The following VSIR variants were observed in gnomAD, a reference collection of about 807,000 sequenced individuals.
The protein encoded by VSIR is V-type immunoglobulin domain-containing suppressor of T-cell activation.
A neutral mutation model predicts 31.0 loss-of-function variants in VSIR; 10 were observed. The ratio of observed to expected loss-of-function variants is 0.32; its 90% CI spans 0.20 to 0.55. The LOEUF is 0.55. Ranked by LOEUF, VSIR falls within the 20% of genes least tolerant of loss-of-function variation. The pLI, the probability that VSIR is intolerant of heterozygous loss-of-function variation, is 0.93. For synonymous variants in VSIR, 179 were observed against 180.1 expected (o/e 0.99, Z 0.05); for missense variants, 356 against 416.2 (o/e 0.86, Z 1.26).
Position 71,760,939 on chromosome 10 carries a change from A to G in VSIR, c.512-15T>C. On this transcript the variant is annotated splice_polypyrimidine_tract_variant and intron_variant, in intron 2 of 6. Coordinates refer to ENST00000394957, the MANE Select transcript of VSIR (RefSeq NM_022153.2). The stretch of plus-strand genomic sequence containing the variant: ...TGCATCTTTGCCTGTGGGAACAAAC[A>G]GAAGGGCCATTAGGTGGGTGTCAGG... The G allele has an allele frequency of 6.2e-7, 1 of 1,613,632 alleles. No homozygotes were observed.
In VSIR at chr10:71,760,972, G is replaced by GGCCA; in HGVS notation, c.512-52_512-49dup. 1.9e-6 allele frequency: 3 copies of GGCCA among 1,585,276 alleles called. No individual in the cohort carries two copies. The South Asian group carries it at 3.3e-5, about 18-fold the overall frequency. On this transcript the variant is annotated intron_variant, in intron 2 of 6. Coordinates refer to ENST00000394957, the MANE Select transcript of VSIR (RefSeq NM_022153.2). ...CATTAGGTGGGTGTCAGGCCCAGGA[G>GGCCA]GCCAGGGAGGCTTGTCCAGGCCAGT...
At chr10:71,756,287 G>A (rs147957233) in intron 3 of VSIR, among the ~76,000 whole-genome samples, 39 of 152,248 alleles carry the variant, frequency 2.6e-4, no homozygotes, top group African/African-American at 7.2e-4. Flanking sequence ...TACAGCAGAC[G>A]CAGCATCATA....
At chr10:71,758,367 T>C (rs1589401608) in intron 3 of VSIR, among the ~76,000 whole-genome samples, 1 of 152,304 alleles carries the variant, frequency 6.6e-6, no homozygotes, top group South Asian at 2.1e-4. Flanking sequence ...ACTGGATGTC[T>C]GACACATACA....
At chr10:71,758,899 T>A (rs1840217829) in intron 3 of VSIR, among the ~76,000 whole-genome samples, 1 of 152,164 alleles carries the variant, frequency 6.6e-6, no homozygotes, top group African/African-American at 2.4e-5. Flanking sequence ...GGACAGAGTC[T>A]CGCTCTGTCA....
chr10:71,770,508 C>G (rs1364009009), intron 1 of VSIR, among the ~76,000 whole-genome samples: 3 of 152,242 alleles, frequency 2.0e-5, no homozygotes. Context: ...CTAAGGGCAT[C>G]TGTGGGGCCA....
chr10:71,751,059 T>C lies in VSIR; in HGVS notation c.*194A>G. ...ACCCCAAAATCCTTGGAACAGGGGC[T>C]GAGCCGTCCAGCATCCCCATGTAGC... On this transcript the variant is annotated 3_prime_UTR_variant, in exon 7 of 7. Coordinates refer to ENST00000394957, the MANE Select transcript of VSIR (RefSeq NM_022153.2). This position sits in a 1 kb window ranked among gnomAD's most constrained non-coding sequence, Gnocchi z 4.9. 1 of 640,166 alleles carries C rather than the reference T, an allele frequency of 1.6e-6. No homozygotes were observed. Among genetic ancestry groups the C allele is most frequent in the South Asian group, 2.3e-5 (1 of 44,024 alleles). 39.7% of individuals were successfully genotyped at this position (640,166 alleles called of 1,614,324 possible).
At chr10:71,758,762 T>G (rs1434277125) in intron 3 of VSIR, among the ~76,000 whole-genome samples, 1 of 152,172 alleles carries the variant, frequency 6.6e-6, no homozygotes, top group Non-Finnish European at 1.5e-5. Flanking sequence ...GCATGGTGGC[T>G]CACACCTGTA....
Position 71,773,397 on chromosome 10 carries a change from C to A in VSIR, c.43G>T (p.Gly15Ter). 6.2e-7 allele frequency: 1 copy of A among 1,610,058 alleles called. No homozygotes were observed. The highest frequency in any genetic ancestry group is 2.2e-5 in the East Asian group (1 of 44,740). The change falls in exon 1 of 7, where the codon GGA becomes TGA. Residue 15 changes from glycine to a stop codon, truncating the protein, a stop_gained. Coordinates refer to ENST00000394957, the MANE Select transcript of VSIR (RefSeq NM_022153.2). LOFTEE classifies it high-confidence loss of function. ...AGGAAGAGAGCGAAGAGCAGGGATC[C>A]CCAGCGCCAGCTGCCGGCCTCCAGG... The part of the protein sequence containing the change: ...TALEAGSWRW[G>*]SLLFALFLAA...
chr10:71,753,784 G>A, intron 4 of VSIR: 1 of 456,464 alleles, frequency 2.2e-6, no homozygotes, highest in Non-Finnish European at 4.4e-6. Flanking sequence ...TGGTGGGGGA[G>A]GGGCACAACA....
In VSIR at chr10:71,751,861, G is replaced by A. The variant is rs1395686643; in HGVS notation, c.705C>T (p.Ser235=). 6.5e-7 allele frequency: 1 copy of A among 1,545,048 alleles called. No individual in the cohort carries two copies. Among genetic ancestry groups the A allele is most frequent in the Admixed American group, 2.0e-5 (1 of 50,382 alleles). The change falls in exon 6 of 7, where the codon AGC becomes AGT. Residue 235 remains serine (S), a splice_region_variant and synonymous_variant. Coordinates refer to ENST00000394957, the MANE Select transcript of VSIR (RefSeq NM_022153.2). This position sits in a 1 kb window ranked among gnomAD's most constrained non-coding sequence, Gnocchi z 4.9. The part of the protein sequence containing the change: ...RRAQELVRMD[S]NIQGIENPGF... ...CGGGGTTTTCAATCCCTTGAATGTT[G>A]CTGCCACAGAACCAGAATGGAAGGT...
chr10:71,762,825 G>A (rs1208630814), intron 1 of VSIR, among the ~76,000 whole-genome samples: 6 of 152,204 alleles, frequency 3.9e-5, no homozygotes, highest in African/African-American at 7.2e-5. Flanking sequence ...ATCCATGCAC[G>A]TCCTTCCAGC....
Position 71,760,098 on chromosome 10 carries a change from CACACAT to C in VSIR, c.568+764_568+769del, listed in dbSNP as rs1328845897. ...ATATATATACACACACATATACACA[CACACAT>C]ACATACATATATGTGTGTATATATA... On this transcript the variant is annotated intron_variant, in intron 3 of 6. Coordinates refer to ENST00000394957, the MANE Select transcript of VSIR (RefSeq NM_022153.2). Among the ~76,000 whole-genome samples, 87 of 127,560 alleles carry C rather than the reference CACACAT, an allele frequency of 6.8e-4. 17 individuals are homozygous for C. In the East Asian group the frequency reaches 0.019, roughly 27 times the overall value. 83.7% of individuals were successfully genotyped at this position (127,560 alleles called of 152,430 possible).
chr10:71,766,624 A>T (rs879783595), intron 1 of VSIR, among the ~76,000 whole-genome samples: 5 of 152,182 alleles, frequency 3.3e-5, no homozygotes, highest in Non-Finnish European at 4.4e-5. Context: ...TCTTATGACC[A>T]TGTATTATGT....
rs755407596 is a variant in VSIR at position 71,751,623 on chromosome 10, A to G, written c.898+45T>C. The G allele has an allele frequency of 4.0e-6, 6 of 1,503,514 alleles. No homozygotes were observed. The highest frequency in any genetic ancestry group is 1.4e-5 in the African/African-American group (1 of 71,340). The allele number at this position is 1,503,514 out of a possible 1,614,324, so 93.1% of individuals were successfully genotyped here. A position where few individuals can be genotyped will look rare whatever the true frequency, so the allele number is the denominator to read the frequency against. ...CCGATGCCCTGCAGGCCATGAGGTC[A>G]TGACCTTACAGGTCATCGTGCTGTG... On this transcript the variant is annotated intron_variant, in intron 6 of 6. Transcript: ENST00000394957. The surrounding 1 kb of genome is among the most constrained non-coding windows in gnomAD (Gnocchi z 4.9).
chr10:71,751,930 A>C lies in VSIR; in HGVS notation c.705-69T>G. ...CGTGAACTCTGCCCTCCCTGCCCCC[A>C]GTTTTTCTCTCCTCCCTTTCTCTCA... On this transcript the variant is annotated intron_variant, in intron 5 of 6. Transcript: ENST00000394957. This position sits in a 1 kb window ranked among gnomAD's most constrained non-coding sequence, Gnocchi z 4.9. 6.9e-7 allele frequency: 1 copy of C among 1,450,460 alleles called. No individual in the cohort carries two copies. Among genetic ancestry groups the C allele is most frequent in the South Asian group, 1.3e-5 (1 of 77,202 alleles). 89.8% of individuals were successfully genotyped at this position (1,450,460 alleles called of 1,614,324 possible).
Position 71,748,185 on chromosome 10 carries a change from CCT to C in VSIR, c.*3066_*3067del, listed in dbSNP as rs1484635520. The C allele has an allele frequency of 2.6e-5, 4 of 152,364 alleles. No homozygotes were observed. The highest frequency in any genetic ancestry group is 7.3e-5 in the African/African-American group (3 of 41,372). The allele number at this position is 152,364 out of a possible 1,614,324, so 9.4% of individuals were successfully genotyped here. On this transcript the variant is annotated 3_prime_UTR_variant, in exon 7 of 7. Coordinates refer to ENST00000394957, the MANE Select transcript of VSIR (RefSeq NM_022153.2). ...GGTGGTGGCAGGACCCCTGCAGCCC[CCT>C]GTCCCACTGCACACTCCCAAGTCCA...
intron 1 of VSIR, among the ~76,000 whole-genome samples, chr10:71,770,775 G>A (rs557735928): frequency 6.6e-6 from 1 of 152,324 alleles, no homozygotes; most frequent in South Asian, 2.1e-4. Flanking sequence ...CTCCCAGGAA[G>A]GTCAGACCCC....
rs1022113557 is a variant in VSIR at position 71,751,854 on chromosome 10, G to C, written c.712C>G (p.Gln238Glu). Reference sequence around the variant, plus strand: ...TCAAAGCCGGGGTTTTCAATCCCTTGAATGTTGCTGCCACAGAACCAGAAT... The same window carrying C: ...TCAAAGCCGGGGTTTTCAATCCCTTCAATGTTGCTGCCACAGAACCAGAAT... ...QELVRMDSNI[Q>E]GIENPGFEAS... The change falls in exon 6 of 7, where the codon CAA becomes GAA. Residue 238 changes from glutamine to glutamate, a missense_variant. This residue lies in a region of VSIR where 190 missense variants were observed against 185.2 expected (regional missense o/e 1.03). Transcript: ENST00000394957. This position sits in a 1 kb window ranked among gnomAD's most constrained non-coding sequence, Gnocchi z 4.9. 1.4e-5 allele frequency: 22 copies of C among 1,550,024 alleles called. No individual in the cohort carries two copies. The highest frequency in any genetic ancestry group is 1.9e-5 in the Non-Finnish European group (22 of 1,147,532).
intron 1 of VSIR, among the ~76,000 whole-genome samples, chr10:71,768,776 G>A (rs916990118): frequency 1.3e-5 from 2 of 152,178 alleles, no homozygotes; most frequent in Non-Finnish European, 2.9e-5. Context: ...CACTGTGCTC[G>A]GCCTCATTCT....
Sources: allele counts gnomAD v4.1 joint callset (sites outside exome capture counted in the v4.1 genomes callset), GRCh38; gene constraint gnomAD v4.1.1; regional missense constraint gnomAD v4.1.1; non-coding constraint Gnocchi (gnomAD v3.1); transcripts MANE v1.5; gene names NCBI Gene and HGNC (gene_info 2026-07-23, HGNC 2026-07-21).